Variants in METRNL observed in about 807,000 individuals in gnomAD.
METRNL encodes meteorin like, glial cell differentiation regulator, also known as meteorin-like protein.
A neutral mutation model predicts 17.4 loss-of-function variants in METRNL; 9 were observed. The ratio of observed to expected loss-of-function variants is 0.52; its 90% CI spans 0.31 to 0.90. The LOEUF (loss-of-function observed/expected upper bound fraction) is 0.90, where lower values mean the gene tolerates loss of function less well. Among genes scored for constraint, METRNL ranks in the 40% least tolerant of loss-of-function variants. METRNL has a pLI of 0.05. For synonymous variants in METRNL, 215 were observed against 199.3 expected (o/e 1.08, Z -0.66); for missense variants, 408 against 430.7 (o/e 0.95, Z 0.47).
In METRNL at chr17:83,085,212, G is replaced by A. The variant is rs1175968619; in HGVS notation, c.445G>A (p.Gly149Ser). The change falls in exon 2 of 4, where the codon GGC becomes AGC. Residue 149 changes from glycine (G) to serine (S), a missense_variant. Gly to Ser is a moderately conservative substitution (Grantham distance 56). Transcript: ENST00000320095. ...GRVQCFGLEQGGLFVEATPQQ... is the reference protein window; with the variant it reads ...GRVQCFGLEQSGLFVEATPQQ... ...GGTGCAGTGTTTTGGCCTGGAGCAG[G>A]GCGGCCTGTTCGTGGAGGCCACGCC... 1 of 1,603,886 alleles carries A rather than the reference G, an allele frequency of 6.2e-7. No homozygotes were observed. The highest frequency in any genetic ancestry group is 8.5e-7 in the Non-Finnish European group (1 of 1,174,024).
intron 2 of METRNL, among the ~76,000 whole-genome samples, chr17:83,088,068 G>A (rs1367204872): frequency 6.6e-6 from 1 of 152,208 alleles, no homozygotes; most frequent in African/African-American, 2.4e-5. Flanking sequence ...GGAACACGGG[G>A]GCAGGCTGCT....
At position 83,094,810 on chromosome 17, in the gene METRNL, T is replaced by A. The variant is rs1224204493; in HGVS notation, c.*235T>A. 7.6e-6 allele frequency: 3 copies of A among 393,250 alleles called. No individual in the cohort carries two copies. The highest frequency in any genetic ancestry group is 1.3e-5 in the Non-Finnish European group (3 of 223,470). The allele number at this position is 393,250 out of a possible 1,614,324, so 24.4% of individuals were successfully genotyped here. On this transcript the variant is annotated 3_prime_UTR_variant, in exon 4 of 4. Coordinates refer to ENST00000320095, the MANE Select transcript of METRNL (RefSeq NM_001004431.3). ...TAAAATGCAAACTAAGTTATTATAT[T>A]TTTTTTTGGTAAAAAAGAAATGTCC... is the stretch of plus-strand genomic sequence containing the variant.
At chr17:83,080,565 A>ACCCC (rs1161469227) in intron 1 of METRNL, among the ~76,000 whole-genome samples, 1 of 22,002 alleles carries the variant, frequency 4.5e-5, no homozygotes. Context: ...GCGCTGGGCG[A>ACCCC]CCCCCCCCCC....
chr17:83,080,195 G>T (rs2143602575), intron 1 of METRNL: 1 of 169,184 alleles, frequency 5.9e-6, no homozygotes, highest in South Asian at 2.0e-4. Context: ...CGGCCCGGAG[G>T]ACGCCCGGGG....
chr17:83,093,299 A>C, intron 3 of METRNL, 73 bp downstream of exon 3: 1 of 1,328,766 alleles, frequency 7.5e-7, no homozygotes, highest in African/African-American at 1.4e-5. Flanking sequence ...TGGGCCCAGG[A>C]GTCCCTCTTC....
intron 1 of METRNL, 69 bp downstream of exon 1, chr17:83,080,054 G>A: frequency 1.0e-6 from 1 of 955,208 alleles, no homozygotes; most frequent in Non-Finnish European, 1.2e-6. Context: ...CGGGCCGGCC[G>A]AGCGTGCGGG....
rs10432005 is a variant in METRNL at position 83,086,033 on chromosome 17, C to T, written c.556+710C>T. On this transcript the variant is annotated intron_variant, in intron 2 of 3. Coordinates refer to ENST00000320095, the MANE Select transcript of METRNL (RefSeq NM_001004431.3). ...GGAGGTGTCACGTGGCGTCTCTGGA[C>T]GCCTGTGCTTGGGGGAGAGGTCCTT... Among the ~76,000 whole-genome samples the T allele has an allele frequency of 1.0e-3, 157 of 152,194 alleles. 1 individual carries two copies. The East Asian group carries it at 0.013, about 12-fold the overall frequency.
intron 3 of METRNL, 29 bp from the exon 4 acceptor site, chr17:83,094,227 T>C (rs773366693): frequency 3.0e-5 from 46 of 1,537,024 alleles, no homozygotes; most frequent in Non-Finnish European, 2.6e-5. Flanking sequence ...CTTTGCTCAC[T>C]CCCTGTCCCC....
intron 1 of METRNL, among the ~76,000 whole-genome samples, chr17:83,080,736 GC>G (rs2037975809): frequency 1.3e-5 from 2 of 150,052 alleles, no homozygotes; most frequent in African/African-American, 4.9e-5. Flanking sequence ...AACCCGCCCT[GC>G]GCGAGCCTCG....
Position 83,093,158 on chromosome 17 carries a change from C to T in METRNL, c.557-9C>T. 6.2e-7 allele frequency: 1 copy of T among 1,606,904 alleles called. No homozygotes were observed. Among genetic ancestry groups the T allele is most frequent in the Non-Finnish European group, 8.5e-7 (1 of 1,179,650 alleles). ...CAGGCTGCTTCCTGACTCTGCCTTTCTTCTCCAGCGCCGTGCCGTCCCTGC... is the reference window on the plus strand; with the variant it reads ...CAGGCTGCTTCCTGACTCTGCCTTTTTTCTCCAGCGCCGTGCCGTCCCTGC... On this transcript the variant is annotated splice_polypyrimidine_tract_variant and intron_variant, in intron 2 of 3. Transcript: ENST00000320095.
chr17:83,092,796 A>G (rs1250926269), intron 2 of METRNL, among the ~76,000 whole-genome samples: 3 of 152,090 alleles, frequency 2.0e-5, no homozygotes, highest in African/African-American at 7.2e-5. Context: ...CACTGAGGAG[A>G]TAAGTGGGGA....
At position 83,094,364 on chromosome 17, in the gene METRNL, C is replaced by T. The variant is rs147617313; in HGVS notation, c.725C>T (p.Pro242Leu). 648 of 1,610,934 alleles carry T rather than the reference C, an allele frequency of 4.0e-4. 1 individual carries two copies. Among genetic ancestry groups the T allele is most frequent in the African/African-American group, 1.1e-3 (86 of 75,018 alleles). Residue 242 changes from proline (P) to leucine (L), a missense_variant, in exon 4 of 4, where the codon CCG (proline) becomes CTG (leucine). By Grantham distance (98) the Pro-to-Leu change is moderately conservative (BLOSUM62 -3). Coordinates refer to ENST00000320095, the MANE Select transcript of METRNL (RefSeq NM_001004431.3). ...LYRQKSRVFE[P>L]VPEGDGHWQG... The stretch of plus-strand genomic sequence containing the variant: ...CGGCAGAAAAGCAGGGTCTTCGAGC[C>T]GGTGCCCGAGGGTGACGGCCACTGG...
At chr17:83,084,847 A>G (rs1317221222) in intron 1 of METRNL, 91 bp from the exon 2 acceptor site, 8 of 1,482,100 alleles carry the variant, frequency 5.4e-6, no homozygotes, top group Non-Finnish European at 6.3e-6. Flanking sequence ...CATCATTTGG[A>G]GCGGGTATCG....
chr17:83,087,362 T>G (rs2143631325), intron 2 of METRNL, among the ~76,000 whole-genome samples: 1 of 152,176 alleles, frequency 6.6e-6, no homozygotes, highest in Admixed American at 6.5e-5. Context: ...GCCCAGACTC[T>G]GAGGTTCACC....
chr17:83,090,022 C>T (rs537589100), intron 2 of METRNL, among the ~76,000 whole-genome samples: 34 of 152,126 alleles, frequency 2.2e-4, no homozygotes, highest in South Asian at 2.1e-3. Context: ...GTCGTGGGGC[C>T]GTGACTCACA....
At chr17:83,081,916 G>A (rs2037993982) in intron 1 of METRNL, among the ~76,000 whole-genome samples, 3 of 152,248 alleles carry the variant, frequency 2.0e-5, no homozygotes, top group Admixed American at 1.3e-4. Flanking sequence ...ACCCTCCGGT[G>A]TTTGTGACTT....
Position 83,079,819 on chromosome 17 carries a change from C to T in METRNL, c.4C>T (p.Arg2Trp), listed in dbSNP as rs1291255084. 1 of 972,392 alleles carries T rather than the reference C, an allele frequency of 1.0e-6. No homozygotes were observed. 60.2% of individuals were successfully genotyped at this position (972,392 alleles called of 1,614,324 possible). Residue 2 changes from arginine to tryptophan, a missense_variant, in exon 1 of 4, where the codon CGG becomes TGG. By Grantham distance (101) the Arg-to-Trp change is moderately radical (BLOSUM62 -3). Transcript: ENST00000320095. M[R>W]GAARAAWGRA... Reference sequence around the variant, plus strand: ...GCGGCGGAGCCGGCGCCAGAGCATGCGGGGCGCGGCGCGGGCGGCCTGGGG... The same window carrying T: ...GCGGCGGAGCCGGCGCCAGAGCATGTGGGGCGCGGCGCGGGCGGCCTGGGG...
At position 83,079,762 on chromosome 17, in the gene METRNL, G is replaced by A; in HGVS notation, c.-54G>A. 2 of 902,828 alleles carry A rather than the reference G, an allele frequency of 2.2e-6. No homozygotes were observed. Among genetic ancestry groups the A allele is most frequent in the Non-Finnish European group, 2.6e-6 (2 of 758,612 alleles). The allele number at this position is 902,828 out of a possible 1,614,324, so 55.9% of individuals were successfully genotyped here. A position where few individuals can be genotyped will look rare whatever the true frequency, so the allele number is the denominator to read the frequency against. The stretch of plus-strand genomic sequence containing the variant: ...CCCCGCCCGGCTCGCCGGCTCCGGG[G>A]TCTGCTCCGGGGGTCGCGGACGCGG... On this transcript the variant is annotated 5_prime_UTR_variant, in exon 1 of 4. Transcript: ENST00000320095.
intron 2 of METRNL, 116 bp from the exon 3 acceptor site, chr17:83,093,051 G>T (rs1366701815): frequency 2.5e-6 from 2 of 810,100 alleles, no homozygotes; most frequent in East Asian, 2.7e-5. Context: ...GTGCCTTGAC[G>T]TGGACACCCT....
Sources: gnomAD v4.1 joint callset for allele counts (sites outside exome capture counted in the v4.1 genomes callset) on GRCh38, gnomAD v4.1.1 for gene constraint, MANE v1.5 for transcripts, NCBI Gene and HGNC (gene_info 2026-07-23, HGNC 2026-07-21) for gene names.